The following ASB7 variants were observed in gnomAD, a reference collection of about 807,000 sequenced individuals.
ASB7 encodes ankyrin repeat and SOCS box protein 7.
A neutral mutation model predicts 32.5 loss-of-function variants in ASB7; 4 were observed. The observed-to-expected ratio is 0.12, with a 90% CI of 0.06 to 0.28. ASB7 has a LOEUF of 0.28. Among genes scored for constraint, ASB7 ranks in the 10% least tolerant of loss-of-function variants. ASB7 has a pLI of 1.00. For missense variants in ASB7, 181 were observed against 407.1 expected (o/e 0.44, Z 4.78); for synonymous variants, 172 against 155.6 (o/e 1.11, Z -0.78).
intron 5 of ASB7, among the ~76,000 whole-genome samples, chr15:100,636,207 C>G (rs1300704717): frequency 1.3e-5 from 2 of 152,178 alleles, no homozygotes; most frequent in South Asian, 2.1e-4. Context: ...TGTTTCCTCT[C>G]CAAATTGTGT....
At position 100,651,413 on chromosome 15, in the gene ASB7, G is replaced by A. The variant is rs1368108152; in HGVS notation, c.*2951G>A. 1 of 152,156 alleles carries A rather than the reference G, an allele frequency of 6.6e-6. No individual in the cohort carries two copies. The highest frequency in any genetic ancestry group is 1.5e-5 in the Non-Finnish European group (1 of 68,026). The allele number at this position is 152,156 out of a possible 1,614,324, so 9.4% of individuals were successfully genotyped here. ...ATCCAGCGTTCTGGCAGTAGCAAGA[G>A]TACACATCTGGAGCATGAGGGACTC... On this transcript the variant is annotated 3_prime_UTR_variant, in exon 6 of 6. Transcript: ENST00000332783.
intron 5 of ASB7, among the ~76,000 whole-genome samples, chr15:100,641,316 T>G (rs1388121795): frequency 6.6e-6 from 1 of 152,196 alleles, no homozygotes; most frequent in Admixed American, 6.5e-5. Flanking sequence ...AAAAAATAAG[T>G]ACTTCTCTTT....
intron 5 of ASB7, among the ~76,000 whole-genome samples, chr15:100,630,546 TA>T (rs1405923321): frequency 6.6e-6 from 1 of 152,206 alleles, no homozygotes; most frequent in Non-Finnish European, 1.5e-5. Flanking sequence ...TGGTGCTGTG[TA>T]TTTAGGGATA....
chr15:100,623,178 C>T (rs1482083908), intron 4 of ASB7, among the ~76,000 whole-genome samples: 17 of 152,164 alleles, frequency 1.1e-4, no homozygotes, highest in Admixed American at 1.1e-3. Flanking sequence ...GTGGGTGGAT[C>T]ACCTGAGGCC....
chr15:100,617,821 A>C (rs1157156427), intron 4 of ASB7, among the ~76,000 whole-genome samples: 1 of 152,252 alleles, frequency 6.6e-6, no homozygotes, highest in East Asian at 1.9e-4. Context: ...GTCAAGAAAG[A>C]AAGCGAAAAC....
rs1596990938 is a variant in ASB7 at position 100,602,889 on chromosome 15, C to G, written c.-430C>G. 2 of 397,920 alleles carry G rather than the reference C, an allele frequency of 5.0e-6. No individual in the cohort carries two copies. Among genetic ancestry groups the G allele is most frequent in the East Asian group, 7.1e-5 (2 of 28,048 alleles). The allele number at this position is 397,920 out of a possible 1,614,324, so 24.6% of individuals were successfully genotyped here. On this transcript the variant is annotated 5_prime_UTR_variant, in exon 1 of 6. Coordinates refer to ENST00000332783, the MANE Select transcript of ASB7 (RefSeq NM_198243.3). ...GGCCGGGATCGCCACCTCCTGCCTT[C>G]TCGGCTGTTCGGATGTTCGCCGGGC...
intron 5 of ASB7, among the ~76,000 whole-genome samples, chr15:100,639,112 G>A (rs1262911293): frequency 1.3e-5 from 2 of 152,186 alleles, no homozygotes; most frequent in African/African-American, 4.8e-5. Flanking sequence ...GTAACAGGGA[G>A]GGCTGGGCTG....
chr15:100,606,880 C>T (rs1254272752), intron 2 of ASB7, among the ~76,000 whole-genome samples: 6 of 152,226 alleles, frequency 3.9e-5, no homozygotes, highest in African/African-American at 1.2e-4. Flanking sequence ...CCTGGCCGGG[C>T]GCGGTGGCTC....
intron 2 of ASB7, among the ~76,000 whole-genome samples, chr15:100,606,605 G>A (rs997831566): frequency 4.6e-5 from 7 of 152,180 alleles, no homozygotes; most frequent in African/African-American, 1.7e-4. Flanking sequence ...ACTTCACTTG[G>A]CATCTATATG....
intron 5 of ASB7, among the ~76,000 whole-genome samples, chr15:100,646,852 G>A (rs2141409494): frequency 6.6e-6 from 1 of 152,290 alleles, no homozygotes; most frequent in Admixed American, 6.5e-5. Context: ...GACATGATTT[G>A]CCTTTCTCTC....
At chr15:100,630,203 G>C in intron 5 of ASB7, 161 bp downstream of exon 5, 1 of 1,340,688 alleles carries the variant, frequency 7.5e-7, no homozygotes, top group Non-Finnish European at 9.6e-7. Context: ...AAAAAACTTT[G>C]ACTGTATCAC....
chr15:100,641,194 T>C lies in ASB7; in HGVS notation c.818-7129T>C, dbSNP rs925768761. ...ATTCTCTTTCTCTGCCTTCTCTTCT[T>C]CTGCCACTGCCCTTCTCTTCCCTTG... On this transcript the variant is annotated intron_variant, in intron 5 of 5. Coordinates refer to ENST00000332783, the MANE Select transcript of ASB7 (RefSeq NM_198243.3). Among the ~76,000 whole-genome samples, 10 of 152,224 alleles carry C rather than the reference T, an allele frequency of 6.6e-5. 1 individual carries two copies. The highest frequency in any genetic ancestry group is 6.3e-3 in the Middle Eastern group (2 of 316).
At chr15:100,637,020 C>T (rs944192734) in intron 5 of ASB7, among the ~76,000 whole-genome samples, 2 of 152,218 alleles carry the variant, frequency 1.3e-5, no homozygotes, top group African/African-American at 2.4e-5. Flanking sequence ...CAGGAAAAGA[C>T]ATTCCAATTC....
chr15:100,640,812 G>A (rs551503995), intron 5 of ASB7, among the ~76,000 whole-genome samples: 22 of 152,226 alleles, frequency 1.4e-4, no homozygotes, highest in African/African-American at 4.3e-4. Flanking sequence ...AAATTATGCC[G>A]CTGGCCCTGG....
At chr15:100,642,566 C>T (rs572013733) in intron 5 of ASB7, among the ~76,000 whole-genome samples, 1 of 151,040 alleles carries the variant, frequency 6.6e-6, no homozygotes, top group East Asian at 2.0e-4. Context: ...CCTCCAAGCC[C>T]TCCCACTGCC....
chr15:100,609,431 C>T (rs147208202), intron 2 of ASB7: 3 of 152,312 alleles, frequency 2.0e-5, no homozygotes, highest in African/African-American at 7.2e-5. Flanking sequence ...ATGCTTGCAT[C>T]CAAATTCCAA....
intron 5 of ASB7, among the ~76,000 whole-genome samples, chr15:100,640,976 G>T (rs887473699): frequency 6.6e-6 from 1 of 152,110 alleles, no homozygotes. Flanking sequence ...TGAATACCTG[G>T]TAGTTTTTTG....
intron 2 of ASB7, among the ~76,000 whole-genome samples, chr15:100,605,604 A>G (rs1318172231): frequency 6.6e-6 from 1 of 152,230 alleles, no homozygotes; most frequent in Non-Finnish European, 1.5e-5. Context: ...AAAGCCAGAT[A>G]TGATTTATAT....
chr15:100,649,907 C>G lies in ASB7; in HGVS notation c.*1445C>G, dbSNP rs1257525290. ...GAAGTTTACAAGACGAAGGGCTTCT[C>G]TCGTCTGAATTTCTAGATTTAAGTC... On this transcript the variant is annotated 3_prime_UTR_variant, in exon 6 of 6. Transcript: ENST00000332783. The G allele has an allele frequency of 6.6e-6, 1 of 152,224 alleles. No individual in the cohort carries two copies. Among genetic ancestry groups the G allele is most frequent in the South Asian group, 2.1e-4 (1 of 4,832 alleles). The allele number at this position is 152,224 out of a possible 1,614,324, so 9.4% of individuals were successfully genotyped here. A position where few individuals can be genotyped will look rare whatever the true frequency, so the allele number is the denominator to read the frequency against.
Sources: gnomAD v4.1 joint callset for allele counts (sites outside exome capture counted in the v4.1 genomes callset) on GRCh38, gnomAD v4.1.1 for gene constraint, MANE v1.5 for transcripts, NCBI Gene and HGNC (gene_info 2026-07-23, HGNC 2026-07-21) for gene names.